The following GPHN variants were observed in gnomAD, a reference collection of about 807,000 sequenced individuals.
The protein encoded by GPHN is gephyrin.
GPHN carries 17 observed loss-of-function variants against 95.5 expected under a neutral mutation model. The observed-to-expected ratio is 0.18, with a 90% CI of 0.12 to 0.27. The LOEUF (loss-of-function observed/expected upper bound fraction) is 0.27, where lower values mean the gene tolerates loss of function less well. Among genes scored for constraint, GPHN ranks in the 10% least tolerant of loss-of-function variants. The pLI, the probability that GPHN is intolerant of heterozygous loss-of-function variation, is 1.00. For synonymous variants in GPHN, 320 were observed against 322.5 expected, an observed-to-expected ratio of 0.99 and a Z score of 0.08; for missense variants, 660 against 978.1, an observed-to-expected ratio of 0.67 and a Z score of 4.34.
chr14:66,806,613 C>G (rs959885434), intron 3 of GPHN, among the ~76,000 whole-genome samples: 7 of 152,178 alleles, frequency 4.6e-5, no homozygotes, highest in African/African-American at 1.7e-4. Context: ...CACCAGCTAT[C>G]CTAAATCATC....
chr14:67,393,374 T>C, the GPHN span: 26 of 714,332 alleles, frequency 3.6e-5, no homozygotes, highest in South Asian at 4.1e-4. Flanking sequence ...AAAAGGGGTG[T>C]AGGAAAGCAG....
At chr14:66,665,456 T>C (rs1320945225) in intron 1 of GPHN, among the ~76,000 whole-genome samples, 1 of 152,136 alleles carries the variant, frequency 6.6e-6, no homozygotes, top group African/African-American at 2.4e-5. Flanking sequence ...AACAGACACT[T>C]CTCAAAAGAA....
chr14:67,606,347 A>T, the GPHN span, among the ~76,000 whole-genome samples: 1 of 152,198 alleles, frequency 6.6e-6, no homozygotes, highest in South Asian at 2.1e-4. Context: ...CCTGGCTTTT[A>T]TGTGGAATGT....
At chr14:67,225,215 T>TA in the GPHN span, 1 of 1,533,184 alleles carries the variant, frequency 6.5e-7, no homozygotes, top group Non-Finnish European at 8.7e-7. Context: ...GAAAGAAAAG[T>TA]AAAACAGAAA....
At chr14:66,969,113 G>A (rs1325831820) in intron 9 of GPHN, 1 of 151,808 alleles carries the variant, frequency 6.6e-6, no homozygotes, top group African/African-American at 2.4e-5. Flanking sequence ...ATTTTCTCCA[G>A]CAAATTTGTT....
chr14:66,966,458 A>T (rs1450523520), intron 9 of GPHN, among the ~76,000 whole-genome samples: 2 of 152,062 alleles, frequency 1.3e-5, no homozygotes, highest in African/African-American at 4.8e-5. Context: ...AATAAAGATA[A>T]ACTATAAGAA....
At chr14:67,492,833 C>G in the GPHN span, among the ~76,000 whole-genome samples, 5 of 152,218 alleles carry the variant, frequency 3.3e-5, no homozygotes, top group Non-Finnish European at 7.3e-5. Context: ...AGGCCAGGTA[C>G]TGTACCATGT....
chr14:67,594,512 T>C, the GPHN span, among the ~76,000 whole-genome samples: 10 of 152,184 alleles, frequency 6.6e-5, no homozygotes, highest in East Asian at 1.6e-3. Context: ...CTGGGCGTGT[T>C]GGCACGTGCC....
At chr14:67,312,683 AATCAACC>A in the GPHN span, 1 of 1,610,852 alleles carries the variant, frequency 6.2e-7, no homozygotes, top group Non-Finnish European at 8.5e-7. Flanking sequence ...GGACGAAGAT[AATCAACC>A]TCTAGCCGGG....
At chr14:67,636,526 A>G in the GPHN span, among the ~76,000 whole-genome samples, 1 of 152,182 alleles carries the variant, frequency 6.6e-6, no homozygotes, top group Non-Finnish European at 1.5e-5. Context: ...TCAGGGATTT[A>G]CTCACTAGCC....
chr14:67,316,357 A>G, the GPHN span, among the ~76,000 whole-genome samples: 3 of 152,178 alleles, frequency 2.0e-5, no homozygotes, highest in Admixed American at 2.0e-4. Context: ...AAGAAGAGGA[A>G]TTGAGAATAA....
At chr14:66,787,120 GACTATA>G (rs557054516) in intron 3 of GPHN, among the ~76,000 whole-genome samples, 4 of 152,114 alleles carry the variant, frequency 2.6e-5, no homozygotes, top group Admixed American at 2.6e-4. Context: ...AGGAAAAAAT[GACTATA>G]AGAATAAGTC....
chr14:67,505,938 T>A, the GPHN span, among the ~76,000 whole-genome samples: 3 of 152,090 alleles, frequency 2.0e-5, no homozygotes, highest in Non-Finnish European at 4.4e-5. Flanking sequence ...TGACCTTGGG[T>A]ATCCGTCCAT....
the GPHN span, among the ~76,000 whole-genome samples, chr14:67,349,910 T>C: frequency 2.6e-5 from 4 of 152,142 alleles, no homozygotes; most frequent in Admixed American, 6.6e-5. Flanking sequence ...TCCTAGATAA[T>C]AGGCATCATG....
At chr14:67,535,412 G>A in the GPHN span, among the ~76,000 whole-genome samples, 5 of 112,708 alleles carry the variant, frequency 4.4e-5, no homozygotes, top group Non-Finnish European at 6.5e-5. Flanking sequence ...CCAGAGTCTC[G>A]CTCTGTTGCC....
At chr14:67,279,229 A>C in the GPHN span, 1 of 1,612,838 alleles carries the variant, frequency 6.2e-7, no homozygotes, top group Non-Finnish European at 8.5e-7. Context: ...GAAGTAAAAA[A>C]TGTTGATCTT....
chr14:67,625,163 A>C, the GPHN span, among the ~76,000 whole-genome samples: 2 of 152,198 alleles, frequency 1.3e-5, no homozygotes, highest in Non-Finnish European at 2.9e-5. Flanking sequence ...ACATTAAAAA[A>C]AAAAAAATCC....
At chr14:66,697,749 G>A (rs1452144339) in intron 2 of GPHN, among the ~76,000 whole-genome samples, 3 of 149,144 alleles carry the variant, frequency 2.0e-5, no homozygotes, top group South Asian at 2.1e-4. Flanking sequence ...GTGCAGTGGT[G>A]CAATCATGGC....
the GPHN span, among the ~76,000 whole-genome samples, chr14:67,574,959 T>C: frequency 6.6e-6 from 1 of 152,236 alleles, no homozygotes; most frequent in African/African-American, 2.4e-5. The surrounding 1 kb of genome is among the most constrained non-coding windows in gnomAD (Gnocchi z 4.2). Context: ...TGTGTGGCTC[T>C]GCTTCTCGTT....
Sources: gnomAD v4.1 joint callset for allele counts (sites outside exome capture counted in the v4.1 genomes callset) on GRCh38, gnomAD v4.1.1 for gene constraint, Gnocchi (gnomAD v3.1) non-coding constraint, MANE v1.5 for transcripts, NCBI Gene and HGNC (gene_info 2026-07-23, HGNC 2026-07-21) for gene names.